CACNA1H: variants seen among roughly 807,000 people sequenced by gnomAD.
CACNA1H encodes the protein calcium voltage-gated channel subunit alpha1 H.
CACNA1H carries 149 observed loss-of-function variants against 192.5 expected under a neutral mutation model. The observed-to-expected ratio is 0.77, with a 90% CI of 0.68 to 0.89. The LOEUF (loss-of-function observed/expected upper bound fraction) is 0.89. Ranked by LOEUF, CACNA1H falls within the 40% of genes least tolerant of loss-of-function variation. The pLI is 0.00. For synonymous variants in CACNA1H, 2,202 were observed against 1,475.2 expected, an observed-to-expected ratio of 1.49 and a Z score of -11.29; for missense variants, 4,257 against 3,423.5, an observed-to-expected ratio of 1.24 and a Z score of -6.08.
At position 1,175,116 on chromosome 16, in the gene CACNA1H, C is replaced by T. The variant is rs115123417; in HGVS notation, c.300-19856C>T. Among the ~76,000 whole-genome samples, 1,471 of 152,252 alleles carry T rather than the reference C, an allele frequency of 9.7e-3. 30 individuals carry two copies. Among genetic ancestry groups the T allele is most frequent in the African/African-American group, 0.033 (1,377 of 41,536 alleles). On this transcript the variant is annotated intron_variant, in intron 2 of 34. Coordinates refer to ENST00000348261, the MANE Select transcript of CACNA1H (RefSeq NM_021098.3). ...GCGTGATGTGAGGCCCCACTGCGCG[C>T]GCAGGCCAACGCCCACTGCCCCACG...
intron 2 of CACNA1H, among the ~76,000 whole-genome samples, chr16:1,185,475 CCA>C (rs1439889104): frequency 1.3e-5 from 2 of 150,356 alleles, no homozygotes; most frequent in Non-Finnish European, 2.9e-5. Context: ...AGCCAGACTC[CCA>C]CATGGACGCT....
chr16:1,166,375 C>T (rs117598596), intron 2 of CACNA1H, among the ~76,000 whole-genome samples: 4,104 of 152,340 alleles, frequency 0.027, 82 homozygotes, highest in Non-Finnish European at 0.042. Flanking sequence ...CCCCTGCCTT[C>T]CTCTCAGCCC....
intron 12 of CACNA1H, 142 bp downstream of exon 12, chr16:1,206,431 C>T (rs528904621): frequency 2.7e-6 from 2 of 740,200 alleles, no homozygotes; most frequent in Non-Finnish European, 2.2e-6. Flanking sequence ...CCTCTGCTGC[C>T]TTCATTTGAG....
chr16:1,160,413 A>G (rs1963041330), intron 2 of CACNA1H, among the ~76,000 whole-genome samples: 1 of 152,012 alleles, frequency 6.6e-6, no homozygotes, highest in African/African-American at 2.4e-5. Context: ...GCAGTGATGG[A>G]CGGCCGCCTC....
At position 1,210,500 on chromosome 16, in the gene CACNA1H, C is replaced by T. The variant is rs754617596; in HGVS notation, c.3969+7C>T. 4 of 1,611,504 alleles carry T rather than the reference C, an allele frequency of 2.5e-6. No individual in the cohort carries two copies. Among genetic ancestry groups the T allele is most frequent in the East Asian group, 2.2e-5 (1 of 44,876 alleles). On this transcript the variant is annotated splice_region_variant and intron_variant, in intron 19 of 34. Transcript: ENST00000348261. Reference sequence around the variant, plus strand: ...CATTGATCCCGGCAGCACCGTGAGTCAGCCAACCCCATCGTCCCGGGCCAC... The same window carrying T: ...CATTGATCCCGGCAGCACCGTGAGTTAGCCAACCCCATCGTCCCGGGCCAC...
At chr16:1,183,564 T>A (rs1201815052) in intron 2 of CACNA1H, among the ~76,000 whole-genome samples, 1 of 152,056 alleles carries the variant, frequency 6.6e-6, no homozygotes, top group Non-Finnish European at 1.5e-5. Context: ...CCCAGTTCCC[T>A]CCCGCTAAGA....
intron 13 of CACNA1H, 52 bp from the exon 14 acceptor site, chr16:1,207,223 G>T: frequency 1.3e-6 from 2 of 1,562,650 alleles, no homozygotes; most frequent in Middle Eastern, 1.7e-4. Flanking sequence ...CCAAGGACTT[G>T]CCGGCATTTC....
In CACNA1H at chr16:1,180,577, G is replaced by C. The variant is rs1002325625; in HGVS notation, c.300-14395G>C. Among the ~76,000 whole-genome samples, 2 of 152,162 alleles carry C rather than the reference G, an allele frequency of 1.3e-5. No individual in the cohort carries two copies. Among genetic ancestry groups the C allele is most frequent in the Non-Finnish European group, 2.9e-5 (2 of 68,012 alleles). On this transcript the variant is annotated intron_variant, in intron 2 of 34. Transcript: ENST00000348261. The surrounding 1 kb of genome is among the most constrained non-coding windows in gnomAD (Gnocchi z 4.4). The stretch of plus-strand genomic sequence containing the variant: ...GGCTGCAGTCACAGCCAGGCCGTGG[G>C]GGGGCCAGGGAGGAGGGGCTGCTCT...
intron 2 of CACNA1H, among the ~76,000 whole-genome samples, chr16:1,165,466 C>T (rs1963663792): frequency 1.3e-5 from 2 of 152,294 alleles, no homozygotes; most frequent in East Asian, 1.9e-4. Context: ...CTCAGGGAGC[C>T]GCGTGGGCCG....
intron 27 of CACNA1H, 47 bp from the exon 28 acceptor site, chr16:1,214,925 G>T (rs1412172901): frequency 1.4e-6 from 2 of 1,410,744 alleles, no homozygotes; most frequent in South Asian, 1.2e-5. Context: ...AGGGGGAAGA[G>T]GGGTGGCCCC....
intron 13 of CACNA1H, 37 bp from the exon 14 acceptor site, chr16:1,207,238 C>G (rs766707059): frequency 6.4e-7 from 1 of 1,571,816 alleles, no homozygotes; most frequent in Non-Finnish European, 8.6e-7. Context: ...CATTTCGGGG[C>G]TGGGGTGACC....
intron 2 of CACNA1H, among the ~76,000 whole-genome samples, chr16:1,182,237 T>A (rs1252110818): frequency 1.3e-5 from 2 of 152,104 alleles, no homozygotes; most frequent in African/African-American, 4.8e-5. Flanking sequence ...TCAGCCCACC[T>A]GGGTGCAGCC....
rs373669637 is a variant in CACNA1H at position 1,202,392 on chromosome 16, C to T, written c.1942C>T (p.Pro648Ser). 1.4e-5 allele frequency: 21 copies of T among 1,545,966 alleles called. No individual in the cohort carries two copies. In the African/African-American group the frequency reaches 2.7e-4, roughly 20 times the overall value. The change falls in exon 9 of 35, where the codon CCG (proline) becomes TCG (serine). Residue 648 changes from proline (P) to serine (S), a missense_variant. Transcript: ENST00000348261. ...ACCGCCAGGCACCGGGGGGCACGGC[C>T]CGTTGAGCTTGAACAGCCCTGATCC... is the stretch of plus-strand genomic sequence containing the variant. ...GGPPGTGGHG[P>S]LSLNSPDPYE...
rs527942936 is a variant in CACNA1H at position 1,187,845 on chromosome 16, A to G, written c.300-7127A>G. Among the ~76,000 whole-genome samples, 138 of 152,250 alleles carry G rather than the reference A, an allele frequency of 9.1e-4. 1 individual carries two copies. The highest frequency in any genetic ancestry group is 3.5e-4 in the Non-Finnish European group (24 of 68,004). ...GCTTTGATGCCTTAACTATCTCTTGAGGAGGGGCACACAGCCCCGCCTCCG... is the reference window on the plus strand; with the variant it reads ...GCTTTGATGCCTTAACTATCTCTTGGGGAGGGGCACACAGCCCCGCCTCCG... On this transcript the variant is annotated intron_variant, in intron 2 of 34. Coordinates refer to ENST00000348261, the MANE Select transcript of CACNA1H (RefSeq NM_021098.3).
chr16:1,181,432 T>C (rs918618541), intron 2 of CACNA1H, among the ~76,000 whole-genome samples: 1 of 152,240 alleles, frequency 6.6e-6, no homozygotes, highest in Non-Finnish European at 1.5e-5. Flanking sequence ...TCTGGGGGTC[T>C]GCTCCAGTTC....
chr16:1,179,977 C>G (rs542216898), intron 2 of CACNA1H, among the ~76,000 whole-genome samples: 1 of 152,176 alleles, frequency 6.6e-6, no homozygotes, highest in Non-Finnish European at 1.5e-5. Flanking sequence ...CCTCATGATC[C>G]ACCTGCCTCG....
In CACNA1H at chr16:1,215,043, G is replaced by A. The variant is rs1398256327; in HGVS notation, c.5001G>A (p.Lys1667=). ...TIVFVFEAAL[K]LVAFGFRRFF... The stretch of plus-strand genomic sequence containing the variant: ...TGTTTGTCTTCGAGGCTGCACTGAA[G>A]CTGGTAGCATTTGGGTTCCGTCGGT... The change falls in exon 28 of 35, where the codon AAG becomes AAA. Residue 1667 remains lysine, a synonymous_variant. Transcript: ENST00000348261. 3 of 1,613,148 alleles carry A rather than the reference G, an allele frequency of 1.9e-6. 1 individual carries two copies. In the South Asian group the frequency reaches 3.3e-5, roughly 18 times the overall value.
chr16:1,162,639 T>TGGG lies in CACNA1H; in HGVS notation c.299+8613_299+8615dup, dbSNP rs36082375. On this transcript the variant is annotated intron_variant, in intron 2 of 34. Transcript: ENST00000348261. ...GGCCAGCTCCTGCGGACACCTGGAG[T>TGGG]GGGGGGGGGGGGTCCATCCTAGGAG... Among the ~76,000 whole-genome samples, 272 of 93,106 alleles carry TGGG rather than the reference T, an allele frequency of 2.9e-3. 3 individuals carry two copies. The highest frequency in any genetic ancestry group is 0.01 in the African/African-American group (242 of 24,118). 61.1% of individuals were successfully genotyped at this position (93,106 alleles called of 152,430 possible).
rs775122425 is a variant in CACNA1H, at chr16:1,207,307, G to A, written c.2940G>A (p.Leu980=). The change falls in exon 14 of 35, where the codon CTG becomes CTA. Residue 980 remains leucine, a synonymous_variant. Coordinates refer to ENST00000348261, the MANE Select transcript of CACNA1H (RefSeq NM_021098.3). The part of the protein sequence containing the change: ...ILTQEDWNVV[L]YNGMASTSSW... ...CCCAGGAGGACTGGAACGTGGTCCT[G>A]TACAACGGCATGGCCTCCACCTCCT... 8.2e-5 allele frequency: 132 copies of A among 1,610,568 alleles called. No individual in the cohort carries two copies. The highest frequency in any genetic ancestry group is 1.1e-4 in the Non-Finnish European group (130 of 1,178,652).
Sources: allele counts gnomAD v4.1 joint callset (sites outside exome capture counted in the v4.1 genomes callset), GRCh38; gene constraint gnomAD v4.1.1; non-coding constraint Gnocchi (gnomAD v3.1); transcripts MANE v1.5; gene names NCBI Gene and HGNC (gene_info 2026-07-23, HGNC 2026-07-21).